The following ARHGAP25 variants were observed in gnomAD, a reference collection of about 807,000 sequenced individuals.
The protein encoded by ARHGAP25 is rho GTPase-activating protein 25.
In ARHGAP25, 34 loss-of-function variants were observed where a neutral mutation model predicts 71.0. The observed-to-expected ratio is 0.48, with a 90% confidence interval of 0.36 to 0.64. ARHGAP25 has a LOEUF of 0.64. Among genes scored for constraint, ARHGAP25 ranks in the 30% least tolerant of loss-of-function variants. The pLI is 0.00. For missense variants in ARHGAP25, 706 were observed against 805.1 expected (o/e 0.88, Z 1.49); for synonymous variants, 282 against 296.5 (o/e 0.95, Z 0.50).
At chr2:68,749,773 C>T (rs59210076) in intron 1 of ARHGAP25, among the ~76,000 whole-genome samples, 4,056 of 152,178 alleles carry the variant, frequency 0.027, 199 homozygotes, top group African/African-American at 0.093. Flanking sequence ...TCTAGGTATT[C>T]GAACTTTTCT....
intron 2 of ARHGAP25, among the ~76,000 whole-genome samples, chr2:68,728,831 A>G (rs1674942177): frequency 6.6e-6 from 1 of 152,206 alleles, no homozygotes; most frequent in South Asian, 2.1e-4. Flanking sequence ...AATAGCCAAA[A>G]CCTGGAAACA....
chr2:68,806,506 T>C (rs568250860), intron 4 of ARHGAP25, among the ~76,000 whole-genome samples: 1 of 152,294 alleles, frequency 6.6e-6, no homozygotes, highest in South Asian at 2.1e-4. Flanking sequence ...ATTATGTCTT[T>C]TCAGTCTTAT....
intron 1 of ARHGAP25, among the ~76,000 whole-genome samples, chr2:68,745,895 G>A (rs2104301541): frequency 6.6e-6 from 1 of 152,250 alleles, no homozygotes; most frequent in East Asian, 1.9e-4. Flanking sequence ...GGGATGGGAG[G>A]GCAAAAGGGA....
intron 2 of ARHGAP25, among the ~76,000 whole-genome samples, chr2:68,725,070 G>T (rs1674851547): frequency 6.6e-6 from 1 of 152,182 alleles, no homozygotes; most frequent in Non-Finnish European, 1.5e-5. Context: ...AAGCCCCACA[G>T]TTAGACTCTG....
chr2:68,810,599 T>A (rs1432414911), intron 5 of ARHGAP25, among the ~76,000 whole-genome samples: 1 of 152,218 alleles, frequency 6.6e-6, no homozygotes, highest in Non-Finnish European at 1.5e-5. Context: ...GTATTTATAA[T>A]CCCTTTCTCT....
rs1681767233 is a variant in ARHGAP25, at chr2:68,822,500, C to T, written c.1361C>T (p.Ala454Val). The T allele has an allele frequency of 1.2e-6, 2 of 1,614,220 alleles. No homozygotes were observed. Among genetic ancestry groups the T allele is most frequent in the Non-Finnish European group, 8.5e-7 (1 of 1,180,044 alleles). Residue 454 changes from alanine to valine, a missense_variant, in exon 10 of 11, where the codon GCT (alanine) becomes GTT (valine). By Grantham distance (64) the Ala-to-Val change is moderately conservative. Transcript: ENST00000409202. ...AACCGGAAATGTTTCTTGACATCAG[C>T]TTTTCAGGGTGCCAACAGCAGCAAA... Reference protein sequence around the residue: ...LPNRKCFLTSAFQGANSSKME... With the variant: ...LPNRKCFLTSVFQGANSSKME...
At chr2:68,788,933 C>T (rs1298878439) in intron 4 of ARHGAP25, among the ~76,000 whole-genome samples, 3 of 152,160 alleles carry the variant, frequency 2.0e-5, no homozygotes, top group Non-Finnish European at 4.4e-5. Flanking sequence ...AAAAAATATT[C>T]CACCAGAGGC....
At position 68,819,303 on chromosome 2, in the gene ARHGAP25, A is replaced by T; in HGVS notation, c.1184A>T (p.Asp395Val). 1 of 1,614,206 alleles carries T rather than the reference A, an allele frequency of 6.2e-7. No homozygotes were observed. Among genetic ancestry groups the T allele is most frequent in the Non-Finnish European group, 8.5e-7 (1 of 1,180,038 alleles). ...ATEDLRISRT[D>V]SFSSMTSDSD... ...GAAGACCTCCGAATTTCTAGGACAG[A>T]CAGCTTCAGTAGCATGGTAAGGTGC... Residue 395 changes from aspartate (D) to valine (V), a missense_variant, in exon 9 of 11, where the codon GAC (aspartate) becomes GTC (valine). Coordinates refer to ENST00000409202, the MANE Select transcript of ARHGAP25 (RefSeq NM_001007231.3).
chr2:68,806,327 T>C (rs1182223449), intron 4 of ARHGAP25, among the ~76,000 whole-genome samples: 1 of 152,234 alleles, frequency 6.6e-6, no homozygotes, highest in Non-Finnish European at 1.5e-5. Flanking sequence ...TGGCAATGTT[T>C]ATAATTAGGA....
intron 1 of ARHGAP25, chr2:68,774,678 GC>G: frequency 1.1e-6 from 1 of 921,586 alleles, no homozygotes; most frequent in Non-Finnish European, 1.3e-6. Flanking sequence ...GCTGGAGGGG[GC>G]CTGCGTTCCA....
At chr2:68,819,343 C>T in intron 9 of ARHGAP25, 24 bp downstream of exon 9, 1 of 1,611,204 alleles carries the variant, frequency 6.2e-7, no homozygotes, top group African/African-American at 1.3e-5. Flanking sequence ...AACCTTCCTG[C>T]TTCCATTGGG....
At chr2:68,807,881 T>C (rs1041079613) in intron 5 of ARHGAP25, among the ~76,000 whole-genome samples, 2 of 152,158 alleles carry the variant, frequency 1.3e-5, no homozygotes, top group Non-Finnish European at 2.9e-5. Context: ...ACCAGATCTA[T>C]ATCCAAGGGC....
chr2:68,784,497 G>GTT (rs199629320), intron 3 of ARHGAP25, among the ~76,000 whole-genome samples: 1 of 149,504 alleles, frequency 6.7e-6, no homozygotes, highest in Admixed American at 6.7e-5. Context: ...AGGCATGCTA[G>GTT]TTTTTTTTTT....
chr2:68,723,392 A>G (rs1194679899), intron 2 of ARHGAP25, among the ~76,000 whole-genome samples: 2 of 152,192 alleles, frequency 1.3e-5, no homozygotes, highest in Non-Finnish European at 2.9e-5. Flanking sequence ...CTCAAACCAC[A>G]TGCCGCTTAG....
upstream of ARHGAP25, among the ~76,000 whole-genome samples, chr2:68,734,519 CTTG>C (rs937410633): frequency 2.0e-5 from 3 of 152,128 alleles, no homozygotes; most frequent in African/African-American, 7.2e-5. Flanking sequence ...TGGGGGAATG[CTTG>C]TTGTTTTTCT....
chr2:68,743,095 T>A (rs781736254), intron 1 of ARHGAP25, among the ~76,000 whole-genome samples: 5 of 152,236 alleles, frequency 3.3e-5, no homozygotes, highest in African/African-American at 4.8e-5. Context: ...GAAATGTCAT[T>A]GTCTCTGTGC....
chr2:68,773,021 C>T (rs1381451454), intron 1 of ARHGAP25, among the ~76,000 whole-genome samples: 1 of 152,162 alleles, frequency 6.6e-6, no homozygotes, highest in Non-Finnish European at 1.5e-5. Context: ...CTAGTATGAC[C>T]TCACCAGGTC....
In ARHGAP25 at chr2:68,813,438, G is replaced by A; in HGVS notation, c.807+19G>A. Reference sequence around the variant, plus strand: ...GGCAAAGGTTTGCATCTTAGAGTTAGTTGTCCTGCCTTAGAAGAAAGTGAT... The same window carrying A: ...GGCAAAGGTTTGCATCTTAGAGTTAATTGTCCTGCCTTAGAAGAAAGTGAT... On this transcript the variant is annotated intron_variant, in intron 6 of 10. Coordinates refer to ENST00000409202, the MANE Select transcript of ARHGAP25 (RefSeq NM_001007231.3). 6.2e-7 allele frequency: 1 copy of A among 1,608,838 alleles called. No homozygotes were observed. Among genetic ancestry groups the A allele is most frequent in the Non-Finnish European group, 8.5e-7 (1 of 1,178,098 alleles).
At chr2:68,786,009 C>G (rs1203614473) in intron 3 of ARHGAP25, among the ~76,000 whole-genome samples, 1 of 152,162 alleles carries the variant, frequency 6.6e-6, no homozygotes, top group African/African-American at 2.4e-5. Context: ...ACCTTTCAAA[C>G]CCCCTTTGGT....
Sources: gnomAD v4.1 joint callset for allele counts (sites outside exome capture counted in the v4.1 genomes callset) on GRCh38, gnomAD v4.1.1 for gene constraint, MANE v1.5 for transcripts, NCBI Gene and HGNC (gene_info 2026-07-23, HGNC 2026-07-21) for gene names.